C2: variants seen among roughly 807,000 people sequenced by gnomAD.
C2 encodes C3/C5 convertase.
A neutral mutation model predicts 85.2 loss-of-function variants in C2; 64 were observed. The observed-to-expected ratio is 0.75, with a 90% CI of 0.61 to 0.92. C2 has a LOEUF of 0.92. Ranked by LOEUF, C2 falls within the 40% of genes least tolerant of loss-of-function variation. C2 has a pLI of 0.00. For missense variants in C2, 820 were observed against 971.6 expected (o/e 0.84, Z 2.07); for synonymous variants, 311 against 370.8 (o/e 0.84, Z 1.85).
In C2 at chr6:31,927,835, G is replaced by A; in HGVS notation, c.46+37G>A. ...GGAAGGGGGAACGTCAGGGTCCTGTGTGTGAGGTTGGTGCTCCCAGCTTGA... is the reference window on the plus strand; with the variant it reads ...GGAAGGGGGAACGTCAGGGTCCTGTATGTGAGGTTGGTGCTCCCAGCTTGA... On this transcript the variant is annotated intron_variant, in intron 1 of 17. Transcript: ENST00000299367. This position sits in a 1 kb window ranked among gnomAD's most constrained non-coding sequence, Gnocchi z 4.7. 1 of 1,607,702 alleles carries A rather than the reference G, an allele frequency of 6.2e-7. No individual in the cohort carries two copies. Among genetic ancestry groups the A allele is most frequent in the Non-Finnish European group, 8.5e-7 (1 of 1,174,118 alleles).
At chr6:31,931,926 C>T (rs1238534297) in intron 3 of C2, among the ~76,000 whole-genome samples, 1 of 92,418 alleles carries the variant, frequency 1.1e-5, no homozygotes, top group African/African-American at 3.1e-5. Context: ...GACGGCGCGG[C>T]TGGCCGGGCG....
Position 31,935,016 on chromosome 6 carries a change from T to A in C2, c.849+717T>A. On this transcript the variant is annotated intron_variant, in intron 6 of 17. Transcript: ENST00000299367. The surrounding 1 kb of genome is among the most constrained non-coding windows in gnomAD (Gnocchi z 4.3). ...AGAGCAAAACTCTGTCTCAAAAAAA[T>A]AAATAAAATAAAATAAAATAAAATA... The A allele has an allele frequency of 3.6e-6, 3 of 828,406 alleles. No individual in the cohort carries two copies. The highest frequency in any genetic ancestry group is 4.4e-6 in the Non-Finnish European group (3 of 686,902). The allele number at this position is 828,406 out of a possible 1,614,324, so 51.3% of individuals were successfully genotyped here. A position where few individuals can be genotyped will look rare whatever the true frequency, so the allele number is the denominator to read the frequency against.
At chr6:31,905,895 A>G (rs1051987990) in intron 1 of C2, among the ~76,000 whole-genome samples, 1 of 152,088 alleles carries the variant, frequency 6.6e-6, no homozygotes, top group Non-Finnish European at 1.5e-5. Context: ...GGCTACTCAT[A>G]GAGGTAAGGA....
In C2 at chr6:31,939,246, G is replaced by T. The variant is rs1343646797; in HGVS notation, c.1145G>T (p.Gly382Val). The change falls in exon 9 of 18, where the codon GGT (glycine) becomes GTT (valine). Residue 382 changes from glycine (G) to valine (V), a missense_variant. Gly to Val is a moderately radical substitution (Grantham distance 109, BLOSUM62 -3). Transcript: ENST00000299367. ...TTTGTTCTAGGAAAGTCCAATATGGGTGGCTCTCCCAAGACAGCTGTTGAC... is the reference window on the plus strand; with the variant it reads ...TTTGTTCTAGGAAAGTCCAATATGGTTGGCTCTCCCAAGACAGCTGTTGAC... ...ILLTDGKSNM[G>V]GSPKTAVDHI... 1 of 1,611,134 alleles carries T rather than the reference G, an allele frequency of 6.2e-7. No homozygotes were observed. Among genetic ancestry groups the T allele is most frequent in the South Asian group, 1.1e-5 (1 of 91,056 alleles).
chr6:31,938,212 C>G (rs1461490160), intron 8 of C2, among the ~76,000 whole-genome samples: 1 of 151,908 alleles, frequency 6.6e-6, no homozygotes, highest in Non-Finnish European at 1.5e-5. Context: ...GGAAACGTGG[C>G]TCTTGAGCAG....
chr6:31,936,108 C>T (rs1770398060), intron 7 of C2, 47 bp downstream of exon 7: 1 of 1,599,046 alleles, frequency 6.3e-7, no homozygotes, highest in Non-Finnish European at 8.5e-7. Flanking sequence ...GAAGATGGAC[C>T]CTCTCAGGGC....
upstream of C2, among the ~76,000 whole-genome samples, chr6:31,923,999 A>G (rs2151734508): frequency 6.7e-6 from 1 of 148,460 alleles, no homozygotes; most frequent in African/African-American, 2.5e-5. Flanking sequence ...ACGGGGTTTC[A>G]CCGTGTTAGC....
chr6:31,930,394 CTTT>C (rs1769642689), intron 3 of C2, among the ~76,000 whole-genome samples: 1 of 152,122 alleles, frequency 6.6e-6, no homozygotes, highest in Non-Finnish European at 1.5e-5. Flanking sequence ...GTTTTTGTTT[CTTT>C]AAGAGACAGG....
chr6:31,908,050 G>A (rs1203813686), intron 1 of C2, among the ~76,000 whole-genome samples: 1 of 151,072 alleles, frequency 6.6e-6, no homozygotes, highest in African/African-American at 2.4e-5. Context: ...GTTTCACCAT[G>A]TTGGCCAGGC....
chr6:31,942,882 T>A, intron 9 of C2, 77 bp from the exon 10 acceptor site: 1 of 1,588,000 alleles, frequency 6.3e-7, no homozygotes, highest in Non-Finnish European at 8.6e-7. Context: ...ACACAGTGAG[T>A]TTCAGATGAC....
At position 31,933,802 on chromosome 6, in the gene C2, C is replaced by T. The variant is rs775998443; in HGVS notation, c.616+19C>T. The stretch of plus-strand genomic sequence containing the variant: ...TGCCGCCGTGAGTAGCTGCCCTGCC[C>T]TCCTGAGATTCCTCGGCACACCCGG... On this transcript the variant is annotated intron_variant, in intron 4 of 17. Coordinates refer to ENST00000299367, the MANE Select transcript of C2 (RefSeq NM_000063.6). The T allele has an allele frequency of 1.2e-6, 2 of 1,613,806 alleles. No homozygotes were observed. The highest frequency in any genetic ancestry group is 4.5e-5 in the East Asian group (2 of 44,884).
intron 1 of C2, among the ~76,000 whole-genome samples, chr6:31,906,902 T>C (rs1173952245): frequency 1.3e-5 from 2 of 151,872 alleles, no homozygotes; most frequent in African/African-American, 4.8e-5. Context: ...TTTGGGAGGC[T>C]GAGGTGGCCG....
rs1771330418 is a variant in C2, at chr6:31,945,504, C to T, written c.*147C>T. The T allele has an allele frequency of 2.5e-6, 2 of 788,110 alleles. No homozygotes were observed. The highest frequency in any genetic ancestry group is 1.5e-5 in the South Asian group (1 of 66,800). 48.8% of individuals were successfully genotyped at this position (788,110 alleles called of 1,614,324 possible). A position where few individuals can be genotyped will look rare whatever the true frequency, so the allele number is the denominator to read the frequency against. The stretch of plus-strand genomic sequence containing the variant: ...TCTAGGATGCCAGAGGCAGCGCACA[C>T]AAGCTGGGAAATCCTCAGGGCTCCT... On this transcript the variant is annotated 3_prime_UTR_variant, in exon 18 of 18. Transcript: ENST00000299367. The surrounding 1 kb of genome is among the most constrained non-coding windows in gnomAD (Gnocchi z 5.3).
At chr6:31,932,299 C>G (rs1769909458) in intron 3 of C2, 2 of 169,996 alleles carry the variant, frequency 1.2e-5, no homozygotes, top group Non-Finnish European at 2.5e-5. Flanking sequence ...GGGGGCTGAC[C>G]CCCCCACCTC....
chr6:31,937,204 CTCA>C (rs1770488084), intron 7 of C2, 112 bp from the exon 8 acceptor site: 3 of 1,002,214 alleles, frequency 3.0e-6, no homozygotes, highest in East Asian at 2.6e-5. Flanking sequence ...GCGAGACTCT[CTCA>C]AAAAAAAAAA....
chr6:31,944,585 T>C lies in C2; in HGVS notation c.1903-142T>C. Reference sequence around the variant, plus strand: ...TAGTAGAGACGGGATTTCGCCATGTTGGCCAGGATGGTCTTGAACTCCTGA... The same window carrying C: ...TAGTAGAGACGGGATTTCGCCATGTCGGCCAGGATGGTCTTGAACTCCTGA... On this transcript the variant is annotated intron_variant, in intron 15 of 17. Transcript: ENST00000299367. This position sits in a 1 kb window ranked among gnomAD's most constrained non-coding sequence, Gnocchi z 5.1. The C allele has an allele frequency of 2.2e-6, 2 of 921,884 alleles. No homozygotes were observed. The highest frequency in any genetic ancestry group is 3.6e-6 in the Non-Finnish European group (2 of 558,856). 57.1% of individuals were successfully genotyped at this position (921,884 alleles called of 1,614,324 possible).
chr6:31,936,657 G>C (rs999207768), intron 7 of C2: 3 of 157,118 alleles, frequency 1.9e-5, no homozygotes, highest in African/African-American at 7.3e-5. Flanking sequence ...TCGGGCACCT[G>C]CCACCATGCC....
Position 31,944,269 on chromosome 6 carries a change from G to A in C2, c.1902+43G>A. 7.6e-7 allele frequency: 1 copy of A among 1,323,678 alleles called. No individual in the cohort carries two copies. Among genetic ancestry groups the A allele is most frequent in the South Asian group, 1.2e-5 (1 of 84,970 alleles). 82.0% of individuals were successfully genotyped at this position (1,323,678 alleles called of 1,614,324 possible). ...GGGATGCTGGGATCCCCCTGTGACAGCTCCCAGAATGTCTCTCTTCCTTCT... is the reference window on the plus strand; with the variant it reads ...GGGATGCTGGGATCCCCCTGTGACAACTCCCAGAATGTCTCTCTTCCTTCT... On this transcript the variant is annotated intron_variant, in intron 15 of 17. Coordinates refer to ENST00000299367, the MANE Select transcript of C2 (RefSeq NM_000063.6). The surrounding 1 kb of genome is among the most constrained non-coding windows in gnomAD (Gnocchi z 5.1).
chr6:31,945,103 T>A lies in C2; in HGVS notation c.2079+74T>A. ...TTGTTGGGGGGATGAGGGAGGCCTT[T>A]GAGGGATCTAGGGAGGTTGGGGCTT... On this transcript the variant is annotated intron_variant, in intron 17 of 17. Transcript: ENST00000299367. The surrounding 1 kb of genome is among the most constrained non-coding windows in gnomAD (Gnocchi z 5.3). The A allele has an allele frequency of 1.2e-6, 2 of 1,610,130 alleles. No homozygotes were observed. The highest frequency in any genetic ancestry group is 1.1e-5 in the South Asian group (1 of 91,018).
Sources: allele counts gnomAD v4.1 joint callset (sites outside exome capture counted in the v4.1 genomes callset), GRCh38; gene constraint gnomAD v4.1.1; non-coding constraint Gnocchi (gnomAD v3.1); transcripts MANE v1.5; gene names NCBI Gene and HGNC (gene_info 2026-07-23, HGNC 2026-07-21).